ZEB1: variants seen among roughly 807,000 people sequenced by gnomAD.
ZEB1 encodes zinc finger E-box binding homeobox 1.
In ZEB1, 21 loss-of-function variants were observed where a neutral mutation model predicts 84.9. The observed-to-expected ratio is 0.25, with a 90% CI of 0.18 to 0.36. The LOEUF (loss-of-function observed/expected upper bound fraction) is 0.36. Ranked by LOEUF, ZEB1 falls within the 10% of genes least tolerant of loss-of-function variation. The probability of loss-of-function intolerance (pLI) is 1.00; values close to 1 mark genes in which losing one functional copy is unlikely to be tolerated. For synonymous variants in ZEB1, 420 were observed against 471.1 expected, an observed-to-expected ratio of 0.89 and a Z score of 1.41; for missense variants, 1,104 against 1,330.2, an observed-to-expected ratio of 0.83 and a Z score of 2.65.
intron 1 of ZEB1, among the ~76,000 whole-genome samples, chr10:31,446,463 T>C (rs946529399): frequency 2.0e-5 from 3 of 150,956 alleles, no homozygotes; most frequent in African/African-American, 7.3e-5. Context: ...AGCTTTTGAA[T>C]GTGTTTGCTC....
In ZEB1 at chr10:31,404,000, T is replaced by C. The variant is rs12267988; in HGVS notation, c.59-57037T>C. On this transcript the variant is annotated intron_variant, in intron 1 of 8. Transcript: ENST00000424869. ...CATAGTCTTTAAGGAATAAACTATG[T>C]ACGTGTTGACTATGAACAGACTAGT... is the stretch of plus-strand genomic sequence containing the variant. 7.2e-3 allele frequency among the ~76,000 whole-genome samples: 1,091 copies of C among 152,240 alleles called. 10 individuals are homozygous for C. Among genetic ancestry groups the C allele is most frequent in the African/African-American group, 0.025 (1,045 of 41,566 alleles).
chr10:31,447,100 G>T (rs1186007029), intron 1 of ZEB1, among the ~76,000 whole-genome samples: 1 of 149,508 alleles, frequency 6.7e-6, no homozygotes, highest in Non-Finnish European at 1.5e-5. Context: ...GGGTGCTCCT[G>T]TATTGGGTGC....
intron 1 of ZEB1, among the ~76,000 whole-genome samples, chr10:31,435,476 A>G (rs1257160960): frequency 6.6e-6 from 1 of 152,260 alleles, no homozygotes; most frequent in Non-Finnish European, 1.5e-5. Context: ...ACTACGATGG[A>G]TGCTTTGAAG....
At chr10:31,366,402 C>T (rs2044497308) in intron 1 of ZEB1, among the ~76,000 whole-genome samples, 1 of 152,196 alleles carries the variant, frequency 6.6e-6, no homozygotes, top group Non-Finnish European at 1.5e-5. Context: ...GATCCTCCCA[C>T]CTCAGCCTCT....
chr10:31,479,523 G>T (rs953145416), intron 2 of ZEB1, among the ~76,000 whole-genome samples: 6 of 151,838 alleles, frequency 4.0e-5, no homozygotes, highest in Non-Finnish European at 8.8e-5. Context: ...ATTGAATTCA[G>T]TAGGAAATTT....
At chr10:31,418,026 C>G (rs192515591) in intron 1 of ZEB1, among the ~76,000 whole-genome samples, 3 of 152,062 alleles carry the variant, frequency 2.0e-5, no homozygotes, top group Non-Finnish European at 4.4e-5. Context: ...GTAGAAGCAG[C>G]CTCTGCACCA....
rs1290478940 is a variant in ZEB1 at position 31,520,087 on chromosome 10, ATAAT to A, written c.794-37_794-34del. ...GAGGATACATAAAAATTTATATGTA[ATAAT>A]TCAGTGAATATAATTTGTTTGTTTG... On this transcript the variant is annotated intron_variant, in intron 6 of 8. Transcript: ENST00000424869. This position sits in a 1 kb window ranked among gnomAD's most constrained non-coding sequence, Gnocchi z 5.1. The A allele has an allele frequency of 2.5e-6, 4 of 1,605,956 alleles. No homozygotes were observed. Among genetic ancestry groups the A allele is most frequent in the Non-Finnish European group, 3.4e-6 (4 of 1,177,348 alleles).
At chr10:31,483,365 G>C (rs527819209) in intron 2 of ZEB1, among the ~76,000 whole-genome samples, 5 of 151,990 alleles carry the variant, frequency 3.3e-5, no homozygotes, top group African/African-American at 1.2e-4. Context: ...GGTACATTAA[G>C]TAATGGAAAG....
At chr10:31,371,215 C>T (rs1470239342) in intron 1 of ZEB1, among the ~76,000 whole-genome samples, 1 of 151,866 alleles carries the variant, frequency 6.6e-6, no homozygotes, top group Non-Finnish European at 1.5e-5. Context: ...AGTGACTTTT[C>T]ATTATGTCTC....
rs547942515 is a variant in ZEB1 at position 31,490,232 on chromosome 10, C to G, written c.260-5544C>G. On this transcript the variant is annotated intron_variant, in intron 2 of 8. Transcript: ENST00000424869. ...AGTTCTTAAATCTGTTGGTTTATGT[C>G]TTTCACTAAATTTGGGAAATTTTTA... is the stretch of plus-strand genomic sequence containing the variant. Among the ~76,000 whole-genome samples, 24 of 151,428 alleles carry G rather than the reference C, an allele frequency of 1.6e-4. No homozygotes were observed. In the South Asian group the frequency reaches 4.8e-3, roughly 30 times the overall value.
At chr10:31,474,274 A>G (rs1336632106) in intron 2 of ZEB1, among the ~76,000 whole-genome samples, 5 of 151,662 alleles carry the variant, frequency 3.3e-5, no homozygotes, top group South Asian at 2.1e-4. Context: ...TGAACAGGCA[A>G]CCTACAAAAT....
chr10:31,411,600 C>A (rs566606374), intron 1 of ZEB1, among the ~76,000 whole-genome samples: 15 of 149,478 alleles, frequency 1.0e-4, no homozygotes, highest in South Asian at 2.1e-4. Context: ...CCACTGCAGT[C>A]CGCAGTCCGG....
At chr10:31,465,479 AT>A (rs2062303842) in intron 2 of ZEB1, among the ~76,000 whole-genome samples, 3 of 151,620 alleles carry the variant, frequency 2.0e-5, no homozygotes, top group African/African-American at 7.2e-5. Flanking sequence ...TATATATAAA[AT>A]ATCAATGGAA....
At chr10:31,387,254 T>C (rs1422838687) in intron 1 of ZEB1, 1 of 985,874 alleles carries the variant, frequency 1.0e-6, no homozygotes, top group Admixed American at 6.1e-5. Context: ...GTCAGCCACC[T>C]TGTTCTCTAA....
At chr10:31,395,427 A>T (rs1438572778) in intron 1 of ZEB1, among the ~76,000 whole-genome samples, 5 of 152,194 alleles carry the variant, frequency 3.3e-5, no homozygotes, top group Non-Finnish European at 7.3e-5. Flanking sequence ...ATGCCTTCAT[A>T]CTTAAAGGCA....
At chr10:31,510,924 C>T in intron 5 of ZEB1, 49 bp downstream of exon 5, 1 of 1,566,046 alleles carries the variant, frequency 6.4e-7, no homozygotes, top group Non-Finnish European at 8.8e-7. Context: ...TTTGACAACT[C>T]AGCCCTCAAT....
At chr10:31,485,338 G>A (rs778068942) in intron 2 of ZEB1, among the ~76,000 whole-genome samples, 1 of 151,832 alleles carries the variant, frequency 6.6e-6, no homozygotes. Flanking sequence ...TATACATGTG[G>A]AAACTAAGGA....
At chr10:31,468,206 C>A (rs995786232) in intron 2 of ZEB1, among the ~76,000 whole-genome samples, 3 of 152,188 alleles carry the variant, frequency 2.0e-5, no homozygotes, top group Admixed American at 6.5e-5. Flanking sequence ...CCAGCTTTGC[C>A]CCCTCTAGCC....
chr10:31,484,559 G>C (rs767358073), intron 2 of ZEB1, among the ~76,000 whole-genome samples: 20 of 151,964 alleles, frequency 1.3e-4, no homozygotes, highest in Non-Finnish European at 2.5e-4. Flanking sequence ...GGCGGTCTGA[G>C]TCTGTAAACT....
Sources: gnomAD v4.1 joint callset for allele counts (sites outside exome capture counted in the v4.1 genomes callset) on GRCh38, gnomAD v4.1.1 for gene constraint, Gnocchi (gnomAD v3.1) non-coding constraint, MANE v1.5 for transcripts, NCBI Gene and HGNC (gene_info 2026-07-23, HGNC 2026-07-21) for gene names.